Variants in SERPING1 observed in about 807,000 individuals in gnomAD.
SERPING1 encodes serpin family G member 1.
SERPING1 carries 5 observed loss-of-function variants against 34.1 expected under a neutral mutation model. That is an observed-to-expected ratio of 0.15 (90% CI 0.08 to 0.31). SERPING1 has a LOEUF of 0.31. Ranked by LOEUF, SERPING1 falls within the 10% of genes least tolerant of loss-of-function variation. The pLI is 1.00. For synonymous variants in SERPING1, 225 were observed against 242.4 expected (o/e 0.93, Z 0.67); for missense variants, 505 against 609.5 (o/e 0.83, Z 1.81).
In SERPING1 at chr11:57,614,414, G is replaced by A. The variant is rs778071176; in HGVS notation, c.1336G>A (p.Val446Met). The A allele has an allele frequency of 1.5e-5, 24 of 1,614,034 alleles. No individual in the cohort carries two copies. Among genetic ancestry groups the A allele is most frequent in the Admixed American group, 5.0e-5 (3 of 60,010 alleles). The change falls in exon 8 of 8, where the codon GTG becomes ATG. Residue 446 changes from valine (V) to methionine (M), a missense_variant. Val to Met is a conservative substitution (Grantham distance 21). Transcript: ENST00000278407. ...LQVSAMQHQT[V>M]LELTETGVEA... is the part of the protein sequence containing the mutation. ...GGTTTCTGCGATGCAGCACCAGACA[G>A]TGCTGGAACTGACAGAGACTGGGGT...
At position 57,614,428 on chromosome 11, in the gene SERPING1, A is replaced by C. The variant is rs1368278179; in HGVS notation, c.1350A>C (p.Thr450=). Residue 450 remains threonine, a synonymous_variant, in exon 8 of 8, where the codon ACA becomes ACC. Coordinates refer to ENST00000278407, the MANE Select transcript of SERPING1 (RefSeq NM_000062.3). ...AMQHQTVLEL[T]ETGVEAAAAS... ...AGCACCAGACAGTGCTGGAACTGACAGAGACTGGGGTGGAGGCGGCTGCAG... is the reference window on the plus strand; with the variant it reads ...AGCACCAGACAGTGCTGGAACTGACCGAGACTGGGGTGGAGGCGGCTGCAG... 1 of 1,614,142 alleles carries C rather than the reference A, an allele frequency of 6.2e-7. No homozygotes were observed. Among genetic ancestry groups the C allele is most frequent in the Non-Finnish European group, 8.5e-7 (1 of 1,180,028 alleles).
At chr11:57,601,933 G>C in intron 3 of SERPING1, 102 bp from the exon 4 acceptor site, 1 of 1,228,012 alleles carries the variant, frequency 8.1e-7, no homozygotes. Context: ...CCCCTCCAAA[G>C]CAGGGAATAC....
chr11:57,610,804 A>C (rs1945469098), intron 6 of SERPING1, among the ~76,000 whole-genome samples: 1 of 152,210 alleles, frequency 6.6e-6, no homozygotes, highest in South Asian at 2.1e-4. Context: ...ATGACAACCA[A>C]AATGTCTCCA....
At chr11:57,609,680 C>T (rs759482201) in intron 6 of SERPING1, among the ~76,000 whole-genome samples, 1 of 152,064 alleles carries the variant, frequency 6.6e-6, no homozygotes, top group Non-Finnish European at 1.5e-5. Context: ...ACCATTTTTT[C>T]TATCTACAAA....
In SERPING1 at chr11:57,613,668, T is replaced by C. The variant is rs568244519; in HGVS notation, c.1250-660T>C. ...CCAACCAGAAACTCTCAGAACCCTGTACTTTAGGAGAAGTCATCATGTAGG... is the reference window on the plus strand; with the variant it reads ...CCAACCAGAAACTCTCAGAACCCTGCACTTTAGGAGAAGTCATCATGTAGG... On this transcript the variant is annotated intron_variant, in intron 7 of 7. Transcript: ENST00000278407. 4.6e-5 allele frequency among the ~76,000 whole-genome samples: 7 copies of C among 152,328 alleles called. No individual in the cohort carries two copies. In the South Asian group the frequency reaches 1.4e-3, roughly 32 times the overall value.
intron 7 of SERPING1, among the ~76,000 whole-genome samples, chr11:57,612,666 C>T (rs771715911): frequency 5.5e-4 from 84 of 152,094 alleles, no homozygotes; most frequent in Admixed American, 4.1e-3. Flanking sequence ...ATCCACCTGC[C>T]TCGGCCTCCC....
chr11:57,604,669 T>G (rs1392326251), intron 4 of SERPING1, among the ~76,000 whole-genome samples: 2 of 152,108 alleles, frequency 1.3e-5, no homozygotes, highest in Admixed American at 1.3e-4. Flanking sequence ...AAGGAAAACT[T>G]TTTTTTAAGC....
At chr11:57,600,950 CAAA>C (rs35871015) in intron 3 of SERPING1, among the ~76,000 whole-genome samples, 1 of 140,972 alleles carries the variant, frequency 7.1e-6, no homozygotes. Flanking sequence ...GACTCTGTCT[CAAA>C]AAAAAAAAAA....
Position 57,614,566 on chromosome 11 carries a change from T to C in SERPING1, c.1488T>C (p.Tyr496=). ...HKFPVFMGRV[Y]DPRA Reference sequence around the variant, plus strand: ...TCCCTGTCTTCATGGGGCGAGTATATGACCCCAGGGCCTGAGACCTGCAGG... The same window carrying C: ...TCCCTGTCTTCATGGGGCGAGTATACGACCCCAGGGCCTGAGACCTGCAGG... The change falls in exon 8 of 8, where the codon TAT becomes TAC. Residue 496 remains tyrosine, a synonymous_variant. Transcript: ENST00000278407. 6.2e-7 allele frequency: 1 copy of C among 1,613,922 alleles called. No individual in the cohort carries two copies. Among genetic ancestry groups the C allele is most frequent in the Non-Finnish European group, 8.5e-7 (1 of 1,180,006 alleles).
intron 7 of SERPING1, among the ~76,000 whole-genome samples, chr11:57,612,646 G>A (rs999700985): frequency 1.1e-4 from 16 of 151,984 alleles, no homozygotes; most frequent in African/African-American, 3.1e-4. Flanking sequence ...CACAATCTCC[G>A]GACCTTGTGA....
chr11:57,598,568 C>G (rs957187780), intron 2 of SERPING1, among the ~76,000 whole-genome samples: 1 of 152,164 alleles, frequency 6.6e-6, no homozygotes, highest in African/African-American at 2.4e-5. Context: ...CTGAGGACGT[C>G]ACTTTTCTCA....
chr11:57,608,219 G>A (rs745608360), intron 6 of SERPING1, among the ~76,000 whole-genome samples: 2 of 152,216 alleles, frequency 1.3e-5, no homozygotes, highest in Non-Finnish European at 2.9e-5. Flanking sequence ...AGCCATAGAT[G>A]TTAGGTGGAA....
chr11:57,598,198 C>CCCCTGGGGGG, intron 1 of SERPING1, 51 bp from the exon 2 acceptor site: 2 of 1,451,072 alleles, frequency 1.4e-6, no homozygotes, highest in Non-Finnish European at 9.4e-7. Context: ...GGGGTGGGGG[C>CCCCTGGGGGG]CCCTGGGCTC....
intron 4 of SERPING1, among the ~76,000 whole-genome samples, chr11:57,604,558 A>G (rs1447030700): frequency 6.6e-6 from 1 of 151,850 alleles, no homozygotes; most frequent in African/African-American, 2.4e-5. Context: ...TCCATTTTAT[A>G]TTGTGGGCTT....
intron 6 of SERPING1, chr11:57,611,237 CCTT>C (rs2135323945): frequency 5.1e-6 from 1 of 195,560 alleles, no homozygotes; most frequent in Non-Finnish European, 1.1e-5. Flanking sequence ...GACCAAAAGT[CCTT>C]CTAATAGCAA....
chr11:57,599,544 G>T (rs1482953193), intron 2 of SERPING1, among the ~76,000 whole-genome samples: 4 of 152,222 alleles, frequency 2.6e-5, no homozygotes, highest in Non-Finnish European at 5.9e-5. Context: ...ACAGGAAATT[G>T]CAAGAACATA....
At chr11:57,602,811 C>T (rs1018973608) in intron 4 of SERPING1, among the ~76,000 whole-genome samples, 6 of 151,194 alleles carry the variant, frequency 4.0e-5, no homozygotes, top group Non-Finnish European at 7.4e-5. Flanking sequence ...AGGAGAAAGC[C>T]GGGCCGGGCA....
chr11:57,602,268 G>T lies in SERPING1; in HGVS notation c.685+99G>T, dbSNP rs961323533. On this transcript the variant is annotated intron_variant, in intron 4 of 7. Transcript: ENST00000278407. ...GGAAAGAAAGGACAGAGGGAATGTTGGAGCTACAGTATCAGGGATGGACTG... is the reference window on the plus strand; with the variant it reads ...GGAAAGAAAGGACAGAGGGAATGTTTGAGCTACAGTATCAGGGATGGACTG... The T allele has an allele frequency of 1.7e-5, 24 of 1,411,796 alleles. No individual in the cohort carries two copies. In the African/African-American group the frequency reaches 2.5e-4, roughly 15 times the overall value. The allele number at this position is 1,411,796 out of a possible 1,614,324, so 87.5% of individuals were successfully genotyped here.
At position 57,602,006 on chromosome 11, in the gene SERPING1, G is replaced by C. The variant is rs760082931; in HGVS notation, c.551-29G>C. On this transcript the variant is annotated intron_variant, in intron 3 of 7. Coordinates refer to ENST00000278407, the MANE Select transcript of SERPING1 (RefSeq NM_000062.3). ...GGAAGGCCCCCGACTCATCCTGCAA[G>C]TATCTTTCATCTCTGCCCTTTGTTG... 11 of 1,613,996 alleles carry C rather than the reference G, an allele frequency of 6.8e-6. No individual in the cohort carries two copies. The Admixed American group carries it at 1.5e-4, about 22-fold the overall frequency.
Sources: allele counts gnomAD v4.1 joint callset (sites outside exome capture counted in the v4.1 genomes callset), GRCh38; gene constraint gnomAD v4.1.1; transcripts MANE v1.5; gene names NCBI Gene and HGNC (gene_info 2026-07-23, HGNC 2026-07-21).